Variants in CFAP96 observed in about 807,000 individuals in gnomAD.
CFAP96 encodes cilia-and flagella-associated protein 96.
chr4:185,423,563 TA>T, the CFAP96 span, among the ~76,000 whole-genome samples: 91,444 of 151,930 alleles, frequency 0.6, 30,629 homozygotes, highest in East Asian at 0.82. Flanking sequence ...ATAGATTGGT[TA>T]AAAAAAATAG....
the CFAP96 span, among the ~76,000 whole-genome samples, chr4:185,426,915 A>G: frequency 1.1e-5 from 1 of 94,272 alleles, no homozygotes; most frequent in Non-Finnish European, 2.2e-5. Flanking sequence ...AAAAAAAAAA[A>G]TAGCCGGGCA....
the CFAP96 span, among the ~76,000 whole-genome samples, chr4:185,440,333 A>G: frequency 6.6e-6 from 1 of 152,196 alleles, no homozygotes; most frequent in South Asian, 2.1e-4. Flanking sequence ...TGTATCCAAA[A>G]TGAATAAGCA....
At chr4:185,435,949 C>A in the CFAP96 span, 3 of 942,450 alleles carry the variant, frequency 3.2e-6, no homozygotes, top group Non-Finnish European at 4.5e-6. Context: ...GCATTTTTTT[C>A]TCTTTTTTTC....
At chr4:185,429,539 C>A in the CFAP96 span, 3 of 1,175,376 alleles carry the variant, frequency 2.6e-6, no homozygotes, top group African/African-American at 1.6e-5. Flanking sequence ...TCTCTATGGA[C>A]GAATAGTGGG....
chr4:185,437,445 A>G, the CFAP96 span, among the ~76,000 whole-genome samples: 2 of 152,242 alleles, frequency 1.3e-5, no homozygotes, highest in African/African-American at 4.8e-5. Flanking sequence ...TAAGCATTAA[A>G]TGGCAATCAC....
At chr4:185,440,413 TAA>T in the CFAP96 span, 1 of 612,890 alleles carries the variant, frequency 1.6e-6, no homozygotes, top group Non-Finnish European at 2.7e-6. Context: ...ATTAATGTTT[TAA>T]AAAAGTACAC....
At chr4:185,416,348 C>T in the CFAP96 span, among the ~76,000 whole-genome samples, 3 of 152,190 alleles carry the variant, frequency 2.0e-5, no homozygotes, top group East Asian at 5.8e-4. Context: ...AATAACCACA[C>T]ACCAAAGGAA....
At chr4:185,409,300 A>G in the CFAP96 span, among the ~76,000 whole-genome samples, 2 of 152,172 alleles carry the variant, frequency 1.3e-5, no homozygotes, top group African/African-American at 4.8e-5. Context: ...ATATCATATA[A>G]ATTCTTACTT....
At chr4:185,421,458 A>G in the CFAP96 span, among the ~76,000 whole-genome samples, 5 of 152,114 alleles carry the variant, frequency 3.3e-5, no homozygotes. Flanking sequence ...CAGTAATAAG[A>G]GTGAGTTCTC....
the CFAP96 span, chr4:185,440,528 T>C: frequency 2.0e-5 from 30 of 1,485,492 alleles, 1 homozygote; most frequent in South Asian, 4.1e-4. Flanking sequence ...TTTCAAACTC[T>C]TTAATTCACA....
the CFAP96 span, among the ~76,000 whole-genome samples, chr4:185,433,630 G>C: frequency 3.4e-4 from 51 of 152,212 alleles, no homozygotes; most frequent in East Asian, 4.2e-3. Flanking sequence ...GGCCGGGCAC[G>C]GTGGCTCACA....
At chr4:185,410,945 C>CA in the CFAP96 span, among the ~76,000 whole-genome samples, 6,008 of 113,864 alleles carry the variant, frequency 0.053, 191 homozygotes, top group South Asian at 0.11. Context: ...GACTCCATCT[C>CA]AAAAAAAAAA....
the CFAP96 span, among the ~76,000 whole-genome samples, chr4:185,434,228 A>T: frequency 6.6e-6 from 1 of 152,206 alleles, no homozygotes; most frequent in African/African-American, 2.4e-5. Flanking sequence ...TGTCTGAAAA[A>T]AAACAAAAAA....
chr4:185,435,471 A>C, the CFAP96 span, among the ~76,000 whole-genome samples: 1 of 152,236 alleles, frequency 6.6e-6, no homozygotes, highest in Non-Finnish European at 1.5e-5. Context: ...GTTTTAAGAA[A>C]AATTTGTTAA....
At chr4:185,425,133 A>G in the CFAP96 span, among the ~76,000 whole-genome samples, 1 of 152,202 alleles carries the variant, frequency 6.6e-6, no homozygotes, top group African/African-American at 2.4e-5. Context: ...ATAGGACTTG[A>G]TTATTGACTG....
At chr4:185,432,942 G>A in the CFAP96 span, among the ~76,000 whole-genome samples, 1 of 151,950 alleles carries the variant, frequency 6.6e-6, no homozygotes, top group Non-Finnish European at 1.5e-5. Flanking sequence ...TCAGGCTGGA[G>A]TGCAGTGGCA....
the CFAP96 span, chr4:185,445,083 A>G: frequency 3.9e-6 from 6 of 1,551,666 alleles, no homozygotes; most frequent in Non-Finnish European, 5.2e-6. Context: ...CACCAAGTGG[A>G]CCAAAAAGCA....
the CFAP96 span, chr4:185,416,020 C>G: frequency 1.8e-6 from 1 of 548,174 alleles, no homozygotes; most frequent in Non-Finnish European, 3.0e-6. Context: ...GAGTAGAGAA[C>G]AAGGAGTTCA....
chr4:185,432,080 G>T, the CFAP96 span: 1 of 1,551,658 alleles, frequency 6.4e-7, no homozygotes, highest in Non-Finnish European at 8.7e-7. Flanking sequence ...TCCCCATTTT[G>T]TAAGGATTTT....
Sources: allele counts gnomAD v4.1 joint callset (sites outside exome capture counted in the v4.1 genomes callset), GRCh38; gene constraint gnomAD v4.1.1; transcripts MANE v1.5; gene names NCBI Gene and HGNC (gene_info 2026-07-23, HGNC 2026-07-21).